CFAP47: variants seen among roughly 807,000 people sequenced by gnomAD.
CFAP47 encodes cilia and flagella associated protein 47, also known as cilia- and flagella-associated protein 47.
In CFAP47, 29 loss-of-function variants were observed where a neutral mutation model predicts 148.1. The ratio of observed to expected loss-of-function variants is 0.20; its 90% confidence interval spans 0.15 to 0.27. The LOEUF (loss-of-function observed/expected upper bound fraction) is 0.27. Among genes scored for constraint, CFAP47 ranks in the 10% least tolerant of loss-of-function variants. CFAP47 has a pLI of 1.00. For synonymous variants in CFAP47, 664 were observed against 577.3 expected (o/e 1.15, Z -2.15); for missense variants, 1,872 against 1,697.5 (o/e 1.10, Z -1.81).
intron 13 of CFAP47, 41 bp from the exon 14 acceptor site, chrX:35,975,106 C>A (rs1397299794): frequency 1.3e-6 from 1 of 776,495 alleles, no homozygotes; most frequent in Non-Finnish European, 1.8e-6. Context: ...AAGTCATTTG[C>A]CATCTTTAAA....
At chrX:36,057,103 T>G (rs776246173) in intron 26 of CFAP47, among the ~76,000 whole-genome samples, 3 of 112,197 alleles carry the variant, frequency 2.7e-5, no homozygotes, top group Non-Finnish European at 5.6e-5. Context: ...TAGTTTTTTT[T>G]TTCCAGTAGC....
At chrX:36,345,875 A>G (rs1941693265) in intron 57 of CFAP47, among the ~76,000 whole-genome samples, 1 of 111,919 alleles carries the variant, frequency 8.9e-6, no homozygotes, top group South Asian at 3.7e-4. Flanking sequence ...TCCTCAAGGA[A>G]TAACATTTAA....
chrX:36,376,076 A>C (rs1384696388), intron 62 of CFAP47, among the ~76,000 whole-genome samples: 1 of 111,743 alleles, frequency 8.9e-6, no homozygotes, highest in Non-Finnish European at 1.9e-5. Context: ...ACTTCTGTGG[A>C]GGCAGAGGCC....
At chrX:36,150,343 A>G (rs1038010090) in intron 37 of CFAP47, among the ~76,000 whole-genome samples, 2 of 112,132 alleles carry the variant, frequency 1.8e-5, no homozygotes, top group Non-Finnish European at 1.9e-5. Context: ...AATGACATAA[A>G]TACTCTTGTT....
At chrX:36,320,582 TTTTC>T (rs1282989697) in intron 57 of CFAP47, among the ~76,000 whole-genome samples, 4 of 112,085 alleles carry the variant, frequency 3.6e-5, no homozygotes, top group Non-Finnish European at 5.6e-5. Flanking sequence ...GTTTCAAAAT[TTTTC>T]TTTCTATTTC....
rs932432228 is a variant in CFAP47, at chrX:36,240,247, G to C, written c.7332+3388G>C. Reference sequence around the variant, plus strand: ...GACAAGGAAGCAAAGAAACAGGAAAGTATGACCAATGCACAAAAAATAAGC... The same window carrying C: ...GACAAGGAAGCAAAGAAACAGGAAACTATGACCAATGCACAAAAAATAAGC... On this transcript the variant is annotated intron_variant, in intron 48 of 63. Coordinates refer to ENST00000378653, the MANE Select transcript of CFAP47 (RefSeq NM_001304548.2). Among the ~76,000 whole-genome samples the C allele has an allele frequency of 5.4e-5, 6 of 111,682 alleles. No individual in the cohort carries two copies. The South Asian group carries it at 1.5e-3, about 28-fold the overall frequency.
intron 1 of CFAP47, among the ~76,000 whole-genome samples, chrX:35,924,068 T>A (rs751972762): frequency 2.0e-5 from 2 of 97,581 alleles, no homozygotes; most frequent in Admixed American, 2.2e-4. Flanking sequence ...TGCGCACATA[T>A]ATGTATATAT....
chrX:36,080,671 A>G (rs1273689330), intron 29 of CFAP47, among the ~76,000 whole-genome samples: 1 of 111,543 alleles, frequency 9.0e-6, no homozygotes, highest in Non-Finnish European at 1.9e-5. Flanking sequence ...TGAGCAAACT[A>G]TCACAAGGAC....
At chrX:36,270,751 A>C (rs1556001711) in intron 49 of CFAP47, among the ~76,000 whole-genome samples, 1 of 106,801 alleles carries the variant, frequency 9.4e-6, no homozygotes, top group Non-Finnish European at 1.9e-5. Context: ...ATATACTTAT[A>C]TACATATTCT....
Position 36,229,051 on chromosome X carries a change from A to G in CFAP47, c.7014+227A>G, listed in dbSNP as rs782631864. Among the ~76,000 whole-genome samples, 12 of 111,188 alleles carry G rather than the reference A, an allele frequency of 1.1e-4. No individual in the cohort carries two copies. In the South Asian group the frequency reaches 3.0e-3, roughly 28 times the overall value. On this transcript the variant is annotated intron_variant, in intron 46 of 63. Coordinates refer to ENST00000378653, the MANE Select transcript of CFAP47 (RefSeq NM_001304548.2). Reference sequence around the variant, plus strand: ...TCTTTGCTTAAAACAATTAACTCCAATGTCCTTAATGTATCATTAAATTCC... The same window carrying G: ...TCTTTGCTTAAAACAATTAACTCCAGTGTCCTTAATGTATCATTAAATTCC...
intron 15 of CFAP47, among the ~76,000 whole-genome samples, chrX:35,982,711 G>A (rs758898727): frequency 2.3e-3 from 259 of 111,480 alleles, no homozygotes; most frequent in Non-Finnish European, 3.3e-3. Context: ...TTGTTGAATA[G>A]GGAGTCCTTT....
intron 21 of CFAP47, among the ~76,000 whole-genome samples, chrX:36,003,363 C>CACAA (rs1936938242): frequency 9.3e-6 from 1 of 107,470 alleles, no homozygotes; most frequent in South Asian, 4.0e-4. Flanking sequence ...TGCATCTATA[C>CACAA]TTGTAAGGAA....
intron 40 of CFAP47, among the ~76,000 whole-genome samples, chrX:36,185,795 A>G (rs782135412): frequency 1.2e-4 from 13 of 111,580 alleles, no homozygotes; most frequent in African/African-American, 3.9e-4. Flanking sequence ...ATGTGCTCAT[A>G]TGACCTCTTC....
intron 2 of CFAP47, among the ~76,000 whole-genome samples, chrX:35,927,106 G>A (rs1267055545): frequency 1.9e-5 from 2 of 107,346 alleles, no homozygotes; most frequent in African/African-American, 3.4e-5. Flanking sequence ...AGCGAGCCGA[G>A]ATCACGCCAC....
chrX:36,275,917 C>T lies in CFAP47; in HGVS notation c.7445-4570C>T, dbSNP rs1177466279. On this transcript the variant is annotated intron_variant, in intron 49 of 63. Coordinates refer to ENST00000378653, the MANE Select transcript of CFAP47 (RefSeq NM_001304548.2). ...TTCTAGTTCTTCAAGAGACAGTTTT[C>T]GTAGATTATGTGTTTCTAAGAAATT... Among the ~76,000 whole-genome samples the T allele has an allele frequency of 5.4e-5, 6 of 110,696 alleles. No individual in the cohort carries two copies. The South Asian group carries it at 1.5e-3, about 28-fold the overall frequency.
chrX:36,196,041 C>A lies in CFAP47; in HGVS notation c.6322-4338C>A, dbSNP rs181204943. Among the ~76,000 whole-genome samples the A allele has an allele frequency of 6.6e-3, 731 of 111,438 alleles. 5 individuals are homozygous for A. Among genetic ancestry groups the A allele is most frequent in the Middle Eastern group, 0.019 (4 of 214 alleles). Reference sequence around the variant, plus strand: ...TCTGTGGAATAATCTGTAAGGCCTGCAATTAATGTTGTGTCAAAATTTTGT... The same window carrying A: ...TCTGTGGAATAATCTGTAAGGCCTGAAATTAATGTTGTGTCAAAATTTTGT... On this transcript the variant is annotated intron_variant, in intron 42 of 63. Coordinates refer to ENST00000378653, the MANE Select transcript of CFAP47 (RefSeq NM_001304548.2).
chrX:36,105,122 T>G (rs16987354), intron 33 of CFAP47, among the ~76,000 whole-genome samples: 7,120 of 111,741 alleles, frequency 0.064, 609 homozygotes, highest in African/African-American at 0.22. Flanking sequence ...CAATAATGCT[T>G]CATGAATTCT....
rs145448150 is a variant in CFAP47 at position 35,967,731 on chromosome X, C to G, written c.1713C>G (p.His571Gln). 4 of 1,206,762 alleles carry G rather than the reference C, an allele frequency of 3.3e-6. No homozygotes were observed. The African/African-American group carries it at 7.0e-5, about 21-fold the overall frequency. ...TTCAATCAGCCATGACACGCACTCA[C>G]AATCATCGCTCATGTGAAGAGCCAG... is the stretch of plus-strand genomic sequence containing the variant. ...AMLQSAMTRT[H>Q]NHRSCEEPVK... Residue 571 changes from histidine (H) to glutamine (Q), a missense_variant, in exon 10 of 64, where the codon CAC becomes CAG. Coordinates refer to ENST00000378653, the MANE Select transcript of CFAP47 (RefSeq NM_001304548.2).
intron 29 of CFAP47, among the ~76,000 whole-genome samples, chrX:36,073,721 A>C (rs186891430): frequency 1.0e-3 from 111 of 111,088 alleles, no homozygotes; most frequent in African/African-American, 3.6e-3. Flanking sequence ...GTAGACAGGT[A>C]ATGGTATTAA....
Sources: gnomAD v4.1 joint callset for allele counts (sites outside exome capture counted in the v4.1 genomes callset) on GRCh38, gnomAD v4.1.1 for gene constraint, MANE v1.5 for transcripts, NCBI Gene and HGNC (gene_info 2026-07-23, HGNC 2026-07-21) for gene names.